The following ASTN2 variants were observed in gnomAD, a reference collection of about 807,000 sequenced individuals.
The protein encoded by ASTN2 is astrotactin 2.
A neutral mutation model predicts 139.8 loss-of-function variants in ASTN2; 54 were observed. That is an observed-to-expected ratio of 0.39 (90% CI 0.31 to 0.48). The LOEUF (loss-of-function observed/expected upper bound fraction) is 0.48. Ranked by LOEUF, ASTN2 falls within the 20% of genes least tolerant of loss-of-function variation. ASTN2 has a pLI of 0.95. For synonymous variants in ASTN2, 756 were observed against 719.5 expected, an observed-to-expected ratio of 1.05 and a Z score of -0.81; for missense variants, 1,565 against 1,725.1, an observed-to-expected ratio of 0.91 and a Z score of 1.64.
chr9:116,803,639 C>T (rs796841968), intron 13 of ASTN2, among the ~76,000 whole-genome samples: 155 of 150,020 alleles, frequency 1.0e-3, no homozygotes, highest in African/African-American at 3.6e-3. Flanking sequence ...ATTCTCCTGC[C>T]TCAGCCTCCT....
At chr9:116,621,788 G>A (rs956546081) in intron 17 of ASTN2, among the ~76,000 whole-genome samples, 6 of 152,226 alleles carry the variant, frequency 3.9e-5, no homozygotes, top group Admixed American at 1.3e-4. Context: ...ATAGTTGGCA[G>A]TAAAGAGAAC....
intron 5 of ASTN2, among the ~76,000 whole-genome samples, chr9:117,042,000 A>G (rs1290871852): frequency 6.6e-6 from 1 of 152,184 alleles, no homozygotes; most frequent in Non-Finnish European, 1.5e-5. Flanking sequence ...CTTGAAGGCA[A>G]GCAGCGTCTT....
chr9:116,486,686 T>C (rs112662464), intron 20 of ASTN2, among the ~76,000 whole-genome samples: 3 of 152,310 alleles, frequency 2.0e-5, no homozygotes, highest in African/African-American at 7.2e-5. Context: ...CTTATGATGG[T>C]TGCATCTAGA....
chr9:116,957,926 G>A (rs1424755655), intron 10 of ASTN2, among the ~76,000 whole-genome samples: 2 of 152,132 alleles, frequency 1.3e-5, no homozygotes, highest in African/African-American at 4.8e-5. Context: ...TGATCCACCT[G>A]CCTTGGCCTC....
At chr9:117,366,360 C>T (rs912066522) in intron 1 of ASTN2, among the ~76,000 whole-genome samples, 3 of 152,074 alleles carry the variant, frequency 2.0e-5, no homozygotes, top group Admixed American at 2.0e-4. Flanking sequence ...CTATTCTCTC[C>T]TTTGATGCTC....
intron 2 of ASTN2, among the ~76,000 whole-genome samples, chr9:117,284,951 GA>G (rs1834411868): frequency 6.6e-6 from 1 of 152,156 alleles, no homozygotes; most frequent in South Asian, 2.1e-4. Context: ...AGTAGAGCAG[GA>G]GTAATAATAT....
chr9:116,793,791 C>T (rs143245603), intron 13 of ASTN2, among the ~76,000 whole-genome samples: 1 of 152,230 alleles, frequency 6.6e-6, no homozygotes, highest in Non-Finnish European at 1.5e-5. Context: ...TTTTAGCAGG[C>T]AATTGGTTTG....
At chr9:116,954,183 A>G (rs537161334) in intron 10 of ASTN2, among the ~76,000 whole-genome samples, 20 of 152,288 alleles carry the variant, frequency 1.3e-4, no homozygotes, top group Middle Eastern at 6.8e-3. Context: ...TCCCTATTAT[A>G]TATATCCAAC....
intron 2 of ASTN2, among the ~76,000 whole-genome samples, chr9:117,252,089 G>A (rs1461179057): frequency 6.6e-6 from 1 of 152,294 alleles, no homozygotes; most frequent in African/African-American, 2.4e-5. Context: ...TTTGGAAGAC[G>A]ATAAAGGAGA....
chr9:117,077,687 G>T (rs754164953), intron 5 of ASTN2, among the ~76,000 whole-genome samples: 4 of 152,190 alleles, frequency 2.6e-5, no homozygotes, highest in Non-Finnish European at 5.9e-5. Context: ...GATGGAGGCT[G>T]CAGTGAGCTA....
intron 17 of ASTN2, among the ~76,000 whole-genome samples, chr9:116,648,584 T>C (rs1453307476): frequency 6.8e-6 from 1 of 146,930 alleles, no homozygotes; most frequent in Non-Finnish European, 1.6e-5. Context: ...TGGGGACCTC[T>C]GATGCACAGA....
intron 19 of ASTN2, among the ~76,000 whole-genome samples, chr9:116,557,956 C>T (rs914322357): frequency 6.6e-6 from 1 of 152,118 alleles, no homozygotes; most frequent in Non-Finnish European, 1.5e-5. Flanking sequence ...ATACATTGTT[C>T]GATTTTTGTT....
intron 11 of ASTN2, among the ~76,000 whole-genome samples, chr9:116,841,574 G>C (rs1969918): frequency 0.19 from 28,955 of 151,998 alleles, 3,103 homozygotes; most frequent in East Asian, 0.5. Flanking sequence ...AAAATAACGA[G>C]ACTAAACACA....
intron 5 of ASTN2, among the ~76,000 whole-genome samples, chr9:117,054,248 TG>T (rs1838994703): frequency 1.3e-5 from 2 of 152,182 alleles, no homozygotes; most frequent in Admixed American, 1.3e-4. Flanking sequence ...GTCAAGGAAG[TG>T]CCTGAAGGCT....
chr9:116,609,160 T>C (rs948812125), intron 19 of ASTN2, among the ~76,000 whole-genome samples: 2 of 151,688 alleles, frequency 1.3e-5, no homozygotes, highest in Admixed American at 6.6e-5. Flanking sequence ...ATTTTTTAAA[T>C]TGACAAAATA....
chr9:117,223,367 A>G (rs1832592479), intron 2 of ASTN2, among the ~76,000 whole-genome samples: 1 of 152,208 alleles, frequency 6.6e-6, no homozygotes, highest in South Asian at 2.1e-4. Context: ...GGACAGCCAC[A>G]TACAACAAAG....
At chr9:116,697,511 C>A (rs1860922752) in intron 16 of ASTN2, 2 of 548,962 alleles carry the variant, frequency 3.6e-6, no homozygotes, top group East Asian at 3.3e-5. Flanking sequence ...CTATCTGTCA[C>A]CCTCACGTGA....
chr9:117,358,491 T>C (rs1364042916), intron 1 of ASTN2, among the ~76,000 whole-genome samples: 3 of 152,146 alleles, frequency 2.0e-5, no homozygotes, highest in African/African-American at 7.2e-5. Flanking sequence ...TCCCATTTCC[T>C]TCCCAATCAT....
intron 19 of ASTN2, among the ~76,000 whole-genome samples, chr9:116,511,520 A>C (rs1177782015): frequency 6.6e-6 from 1 of 152,132 alleles, no homozygotes; most frequent in East Asian, 1.9e-4. Flanking sequence ...GGCCTCGTAA[A>C]ATGAGTTAGG....
Sources: allele counts gnomAD v4.1 joint callset (sites outside exome capture counted in the v4.1 genomes callset), GRCh38; gene constraint gnomAD v4.1.1; transcripts MANE v1.5; gene names NCBI Gene and HGNC (gene_info 2026-07-23, HGNC 2026-07-21).